SLC30A10: variants seen among roughly 807,000 people sequenced by gnomAD.
SLC30A10 encodes the protein calcium/manganese antiporter SLC30A10.
A neutral mutation model predicts 21.7 loss-of-function variants in SLC30A10; 8 were observed. The observed-to-expected ratio is 0.37, with a 90% CI of 0.22 to 0.67. The LOEUF is 0.67. SLC30A10 is among the 30% of genes least tolerant of loss of function. The probability of loss-of-function intolerance (pLI) is 0.58; values close to 1 mark genes in which losing one functional copy is unlikely to be tolerated. For missense variants in SLC30A10, 521 were observed against 642.5 expected (o/e 0.81, Z 2.04); for synonymous variants, 272 against 279.4 (o/e 0.97, Z 0.26).
rs769896632 is a variant in SLC30A10, at chr1:219,928,140, C to T, written c.301G>A (p.Val101Met). 3 of 1,562,506 alleles carry T rather than the reference C, an allele frequency of 1.9e-6. No individual in the cohort carries two copies. Among genetic ancestry groups the T allele is most frequent in the African/African-American group, 2.7e-5 (2 of 73,380 alleles). The change falls in exon 1 of 4, where the codon GTG becomes ATG. Residue 101 changes from valine to methionine, a missense_variant. By Grantham distance (21) the Val-to-Met change is conservative. Coordinates refer to ENST00000366926, the MANE Select transcript of SLC30A10 (RefSeq NM_018713.3). The surrounding 1 kb of genome is among the most constrained non-coding windows in gnomAD (Gnocchi z 6.3). Reference protein sequence around the residue: ...ALCFTIFVEAVLRLARPERID... With the variant: ...ALCFTIFVEAMLRLARPERID... Reference sequence around the variant, plus strand: ...CGCTCGGGCCGGGCCAGGCGCAGCACGGCCTCCACGAAGATGGTGAAGCAG... The same window carrying T: ...CGCTCGGGCCGGGCCAGGCGCAGCATGGCCTCCACGAAGATGGTGAAGCAG...
Position 219,912,190 on chromosome 1 carries a change from A to AT in SLC30A10, c.*3258_*3259insA, listed in dbSNP as rs1659429347. Among the ~76,000 whole-genome samples the AT allele has an allele frequency of 6.6e-6, 1 of 151,368 alleles. No individual in the cohort carries two copies. The highest frequency in any genetic ancestry group is 1.5e-5 in the Non-Finnish European group (1 of 67,862). On this transcript the variant is annotated 3_prime_UTR_variant, in exon 4 of 4. Coordinates refer to ENST00000366926, the MANE Select transcript of SLC30A10 (RefSeq NM_018713.3). ...AATGGCAAAAAAAAAAAAAAAAAAA[A>AT]AAAAAAGAACTAAATATGGAGAATA...
At chr1:219,954,009 A>G (rs909271077) in intron 1 of SLC30A10, among the ~76,000 whole-genome samples, 1 of 151,950 alleles carries the variant, frequency 6.6e-6, no homozygotes, top group Non-Finnish European at 1.5e-5. Context: ...CCCGGCCTCA[A>G]ATTTTATTTA....
intron 2 of SLC30A10, among the ~76,000 whole-genome samples, chr1:219,926,273 G>T (rs1185066617): frequency 6.6e-6 from 1 of 152,140 alleles, no homozygotes; most frequent in Non-Finnish European, 1.5e-5. Context: ...CCACTTACAG[G>T]CTTTCCCCAA....
upstream of SLC30A10, among the ~76,000 whole-genome samples, chr1:219,929,500 T>A (rs2102536905): frequency 6.6e-6 from 1 of 151,518 alleles, no homozygotes; most frequent in South Asian, 2.1e-4. Flanking sequence ...CTGACCTACA[T>A]GAAGGTTTAT....
intron 1 of SLC30A10, among the ~76,000 whole-genome samples, chr1:219,956,247 T>TG (rs781368695): frequency 6.6e-6 from 1 of 152,116 alleles, no homozygotes; most frequent in African/African-American, 2.4e-5. Flanking sequence ...CATAGCTCAC[T>TG]GCAGCCTCAA....
intron 1 of SLC30A10, among the ~76,000 whole-genome samples, chr1:219,945,862 C>T (rs960378666): frequency 2.6e-5 from 4 of 152,174 alleles, no homozygotes; most frequent in Admixed American, 6.6e-5. Flanking sequence ...ACTTATGCAA[C>T]TTTGGATGCC....
intron 1 of SLC30A10, among the ~76,000 whole-genome samples, chr1:219,940,334 C>T (rs1255341976): frequency 1.3e-5 from 2 of 152,328 alleles, no homozygotes; most frequent in South Asian, 2.1e-4. Flanking sequence ...AATGAGCCTT[C>T]AAGTGACTGC....
upstream of SLC30A10, among the ~76,000 whole-genome samples, chr1:219,933,220 C>T (rs1003867713): frequency 5.9e-5 from 9 of 152,000 alleles, no homozygotes; most frequent in South Asian, 2.1e-4. Flanking sequence ...CTCACCCAAA[C>T]GCCACCTCCA....
intron 1 of SLC30A10, among the ~76,000 whole-genome samples, chr1:219,950,432 G>A (rs995888511): frequency 6.6e-6 from 1 of 152,092 alleles, no homozygotes; most frequent in Non-Finnish European, 1.5e-5. Flanking sequence ...GAAGTCAGGA[G>A]ATCGAGACCA....
chr1:219,920,515 T>C (rs1659652792), intron 2 of SLC30A10, among the ~76,000 whole-genome samples: 1 of 152,182 alleles, frequency 6.6e-6, no homozygotes, highest in South Asian at 2.1e-4. Flanking sequence ...CAAATTGCCT[T>C]TGTTTATATA....
rs376599710 is a variant in SLC30A10, at chr1:219,918,314, T to C, written c.899A>G (p.Lys300Arg). The change falls in exon 3 of 4, where the codon AAG (lysine) becomes AGG (arginine). Residue 300 changes from lysine (K) to arginine (R), a missense_variant. Transcript: ENST00000366926. The surrounding 1 kb of genome is among the most constrained non-coding windows in gnomAD (Gnocchi z 4.4). ...IILSSAFPLI[K>R]ETAAILLQMV... ...CTGTAGCAGAATGGCAGCGGTCTCCTTGATAAGCGGGAAGGCAGATGACAA... is the reference window on the plus strand; with the variant it reads ...CTGTAGCAGAATGGCAGCGGTCTCCCTGATAAGCGGGAAGGCAGATGACAA... The C allele has an allele frequency of 2.5e-5, 41 of 1,614,024 alleles. No homozygotes were observed. Among genetic ancestry groups the C allele is most frequent in the Non-Finnish European group, 3.1e-5 (36 of 1,180,044 alleles).
At chr1:219,951,994 G>A (rs565579865) in intron 1 of SLC30A10, among the ~76,000 whole-genome samples, 2 of 152,090 alleles carry the variant, frequency 1.3e-5, no homozygotes, top group Non-Finnish European at 2.9e-5. Context: ...TGTTTTGTAC[G>A]GTTTGTAGAA....
At chr1:219,933,336 C>T (rs1219763164), upstream of SLC30A10, among the ~76,000 whole-genome samples, 1 of 152,180 alleles carries the variant, frequency 6.6e-6, no homozygotes, top group Non-Finnish European at 1.5e-5. Context: ...CGTGATACCA[C>T]CTACTTACTG....
At chr1:219,935,850 TAAAAC>T (rs1392313342) in intron 1 of SLC30A10, among the ~76,000 whole-genome samples, 1 of 152,194 alleles carries the variant, frequency 6.6e-6, no homozygotes, top group Non-Finnish European at 1.5e-5. Flanking sequence ...CTAATTATCT[TAAAAC>T]AAATTAGCTA....
intron 1 of SLC30A10, among the ~76,000 whole-genome samples, chr1:219,943,239 C>T (rs906387877): frequency 5.9e-5 from 9 of 152,166 alleles, no homozygotes; most frequent in Non-Finnish European, 8.8e-5. Flanking sequence ...AAGTAAAGAA[C>T]AAGTCATCAT....
At chr1:219,917,031 C>A (rs949204725) in intron 3 of SLC30A10, among the ~76,000 whole-genome samples, 11 of 147,852 alleles carry the variant, frequency 7.4e-5, no homozygotes, top group African/African-American at 2.7e-4. Flanking sequence ...AGTGCAGTGG[C>A]ATATTTATGG....
chr1:219,955,150 G>A (rs1011887033), intron 1 of SLC30A10, among the ~76,000 whole-genome samples: 25 of 152,092 alleles, frequency 1.6e-4, no homozygotes, highest in African/African-American at 5.3e-4. Context: ...TATCTCCTGC[G>A]ATCTGGACCT....
chr1:219,913,557 G>A lies in SLC30A10; in HGVS notation c.*1892C>T, dbSNP rs1228078904. The A allele has an allele frequency of 6.6e-6, 1 of 152,108 alleles. No homozygotes were observed. The highest frequency in any genetic ancestry group is 2.4e-5 in the African/African-American group (1 of 41,414). The allele number at this position is 152,108 out of a possible 1,614,324, so 9.4% of individuals were successfully genotyped here. ...AACCAATGTTTATGTAGGAGAATCT[G>A]GCCCACTGATCTCCATGCCAAGTTT... is the stretch of plus-strand genomic sequence containing the variant. On this transcript the variant is annotated 3_prime_UTR_variant, in exon 4 of 4. Coordinates refer to ENST00000366926, the MANE Select transcript of SLC30A10 (RefSeq NM_018713.3).
Position 219,915,210 on chromosome 1 carries a change from T to A in SLC30A10, c.*239A>T. The A allele has an allele frequency of 1.8e-6, 1 of 541,690 alleles. No homozygotes were observed. The highest frequency in any genetic ancestry group is 3.3e-6 in the Non-Finnish European group (1 of 303,048). 33.6% of individuals were successfully genotyped at this position (541,690 alleles called of 1,614,324 possible). A position where few individuals can be genotyped will look rare whatever the true frequency, so the allele number is the denominator to read the frequency against. On this transcript the variant is annotated 3_prime_UTR_variant, in exon 4 of 4. Coordinates refer to ENST00000366926, the MANE Select transcript of SLC30A10 (RefSeq NM_018713.3). ...AGTGCAGTTTGCTTTAGAAAATGCA[T>A]GTTCAAGCTGAAACAGTCAAAGAGC...
Sources: gnomAD v4.1 joint callset for allele counts (sites outside exome capture counted in the v4.1 genomes callset) on GRCh38, gnomAD v4.1.1 for gene constraint, Gnocchi (gnomAD v3.1) non-coding constraint, MANE v1.5 for transcripts, NCBI Gene and HGNC (gene_info 2026-07-23, HGNC 2026-07-21) for gene names.